Variants in IQSEC1 observed in about 807,000 individuals in gnomAD.
The protein encoded by IQSEC1 is IQ motif and Sec7 domain ArfGEF 1, also known as IQ motif and SEC7 domain-containing protein 1.
In IQSEC1, 31 loss-of-function variants were observed where a neutral mutation model predicts 91.0. The observed-to-expected ratio is 0.34, with a 90% confidence interval of 0.26 to 0.46. IQSEC1 has a LOEUF of 0.46. IQSEC1 is among the 20% of genes least tolerant of loss of function. The pLI, the probability that IQSEC1 is intolerant of heterozygous loss-of-function variation, is 1.00. For missense variants in IQSEC1, 1,388 were observed against 1,575.6 expected (o/e 0.88, Z 2.02); for synonymous variants, 699 against 662.6 (o/e 1.05, Z -0.84).
chr3:13,012,964 CTTT>C (rs35541458), intron 1 of IQSEC1, among the ~76,000 whole-genome samples: 3 of 97,510 alleles, frequency 3.1e-5, no homozygotes, highest in Admixed American at 1.1e-4. Context: ...AAAGTCTGGG[CTTT>C]TTTTTTTTTT....
chr3:13,197,528 T>C (rs573808396), intron 1 of IQSEC1, among the ~76,000 whole-genome samples: 1 of 152,294 alleles, frequency 6.6e-6, no homozygotes, highest in East Asian at 1.9e-4. Context: ...GGGCCTCAAA[T>C]GTCCCCCACA....
intron 1 of IQSEC1, among the ~76,000 whole-genome samples, chr3:13,024,371 CT>C (rs1703524648): frequency 8.4e-5 from 12 of 142,080 alleles, no homozygotes; most frequent in Admixed American, 6.8e-4. Flanking sequence ...CCATCCATCA[CT>C]CCATCCATCC....
At chr3:13,171,318 C>T (rs1693606927) in intron 1 of IQSEC1, among the ~76,000 whole-genome samples, 1 of 152,168 alleles carries the variant, frequency 6.6e-6, no homozygotes, top group Non-Finnish European at 1.5e-5. Flanking sequence ...GGTTTTCTTC[C>T]TAAACGCTGT....
intron 2 of IQSEC1, among the ~76,000 whole-genome samples, chr3:13,117,325 G>A (rs1330923749): frequency 2.0e-5 from 3 of 149,744 alleles, no homozygotes; most frequent in African/African-American, 4.9e-5. Flanking sequence ...AGTGGCTCAC[G>A]ACTGTAATCC....
Position 12,900,889 on chromosome 3 carries a change from G to C in IQSEC1, c.*94C>G. The C allele has an allele frequency of 6.5e-7, 1 of 1,535,300 alleles. No homozygotes were observed. The highest frequency in any genetic ancestry group is 8.7e-7 in the Non-Finnish European group (1 of 1,146,332). On this transcript the variant is annotated 3_prime_UTR_variant, in exon 14 of 14. Coordinates refer to ENST00000613206, the MANE Select transcript of IQSEC1 (RefSeq NM_001134382.3). ...GCAGAGGGGAGAGATGGCAACAGAA[G>C]TGCCCCGGGTTTGGTGTGCGGCTGG...
chr3:13,150,637 G>A (rs1706980022), intron 2 of IQSEC1, among the ~76,000 whole-genome samples: 1 of 152,186 alleles, frequency 6.6e-6, no homozygotes, highest in South Asian at 2.1e-4. Flanking sequence ...GGCTCCTGAT[G>A]TTTTTAGTGG....
chr3:13,280,324 C>T (rs925062505), intron 1 of IQSEC1, among the ~76,000 whole-genome samples: 6 of 152,218 alleles, frequency 3.9e-5, no homozygotes, highest in Non-Finnish European at 8.8e-5. Flanking sequence ...TAAAAGTCCT[C>T]AAGGGGATTG....
At chr3:12,938,337 A>G (rs959282154) in intron 2 of IQSEC1, among the ~76,000 whole-genome samples, 1 of 152,168 alleles carries the variant, frequency 6.6e-6, no homozygotes, top group Non-Finnish European at 1.5e-5. Flanking sequence ...ATAATGCCAA[A>G]CAGACGTCCA....
intron 1 of IQSEC1, among the ~76,000 whole-genome samples, chr3:13,267,469 G>A (rs537056378): frequency 1.5e-4 from 23 of 152,188 alleles, no homozygotes; most frequent in African/African-American, 4.6e-4. Context: ...TAAAAGCCGC[G>A]TTTTCCATCC....
chr3:13,121,960 A>G (rs1272666666), intron 2 of IQSEC1, among the ~76,000 whole-genome samples: 2 of 152,238 alleles, frequency 1.3e-5, no homozygotes, highest in Non-Finnish European at 2.9e-5. Flanking sequence ...AAGTCAACAC[A>G]ATGCTGGATC....
chr3:12,996,539 A>C (rs1220655377), intron 1 of IQSEC1, among the ~76,000 whole-genome samples: 11 of 152,232 alleles, frequency 7.2e-5, no homozygotes, highest in Admixed American at 5.2e-4. Flanking sequence ...GATGTCGAAC[A>C]CTTAACTGCA....
At position 12,900,194 on chromosome 3, in the gene IQSEC1, T is replaced by C; in HGVS notation, c.*789A>G. ...ATTTATACAAAGCAATACTGGACTT[T>C]TTAAACAGTTAGATGCTATGTTACT... On this transcript the variant is annotated 3_prime_UTR_variant, in exon 14 of 14. Coordinates refer to ENST00000613206, the MANE Select transcript of IQSEC1 (RefSeq NM_001134382.3). 1.0e-6 allele frequency: 1 copy of C among 979,414 alleles called. No individual in the cohort carries two copies. The allele number at this position is 979,414 out of a possible 1,614,324, so 60.7% of individuals were successfully genotyped here. A position where few individuals can be genotyped will look rare whatever the true frequency, so the allele number is the denominator to read the frequency against.
At chr3:13,064,873 C>G (rs145528516) in intron 1 of IQSEC1, among the ~76,000 whole-genome samples, 2 of 152,384 alleles carry the variant, frequency 1.3e-5, no homozygotes, top group East Asian at 3.9e-4. Flanking sequence ...TCTGGCAGCT[C>G]TGCCTGAATC....
At chr3:12,901,637 A>G in intron 13 of IQSEC1, 115 bp from the exon 14 acceptor site, 1 of 881,514 alleles carries the variant, frequency 1.1e-6, no homozygotes, top group South Asian at 1.7e-5. Context: ...CTTTAGTTCA[A>G]CTCACTGGCC....
chr3:12,904,184 G>A (rs1437536457), intron 12 of IQSEC1, among the ~76,000 whole-genome samples: 1 of 152,234 alleles, frequency 6.6e-6, no homozygotes, highest in Non-Finnish European at 1.5e-5. Context: ...AATGTGCTGG[G>A]CTGTGCCTTG....
At chr3:13,254,751 C>T (rs1399516074) in intron 1 of IQSEC1, among the ~76,000 whole-genome samples, 1 of 152,220 alleles carries the variant, frequency 6.6e-6, no homozygotes, top group African/African-American at 2.4e-5. Flanking sequence ...CAGCAGGTGG[C>T]AGAGCCCTGC....
chr3:13,023,481 C>G (rs1296693045), intron 1 of IQSEC1, among the ~76,000 whole-genome samples: 1 of 152,182 alleles, frequency 6.6e-6, no homozygotes, highest in Non-Finnish European at 1.5e-5. Context: ...CAGCACCTGG[C>G]ACCCAGCAGG....
intron 1 of IQSEC1, among the ~76,000 whole-genome samples, chr3:13,014,980 A>G (rs1703052001): frequency 6.6e-6 from 1 of 152,116 alleles, no homozygotes; most frequent in African/African-American, 2.4e-5. Flanking sequence ...GTGTCTCCTC[A>G]ACACAGCCTG....
At chr3:12,944,415 T>C (rs747592923) in intron 1 of IQSEC1, among the ~76,000 whole-genome samples, 8 of 152,328 alleles carry the variant, frequency 5.3e-5, no homozygotes, top group Admixed American at 6.5e-5. Flanking sequence ...AGCCTCAGGT[T>C]GCAGGGGAGC....
Sources: allele counts gnomAD v4.1 joint callset (sites outside exome capture counted in the v4.1 genomes callset), GRCh38; gene constraint gnomAD v4.1.1; transcripts MANE v1.5; gene names NCBI Gene and HGNC (gene_info 2026-07-23, HGNC 2026-07-21).